Variants in C1orf174 observed in about 807,000 individuals in gnomAD.
The protein encoded by C1orf174 is UPF0688 protein C1orf174.
A neutral mutation model predicts 18.4 loss-of-function variants in C1orf174; 13 were observed. The observed-to-expected ratio is 0.71, with a 90% CI of 0.46 to 1.12. C1orf174 has a LOEUF of 1.12. Ranked by LOEUF, C1orf174 falls within the 50% of genes most tolerant of loss-of-function variation. The pLI is 0.00. For synonymous variants in C1orf174, 100 were observed against 118.3 expected, an observed-to-expected ratio of 0.85 and a Z score of 1.01; for missense variants, 309 against 308.0, an observed-to-expected ratio of 1.00 and a Z score of -0.02.
Position 3,890,664 on chromosome 1 carries a change from G to T in C1orf174, c.523C>A (p.Pro175Thr). 1.2e-6 allele frequency: 2 copies of T among 1,614,102 alleles called. No homozygotes were observed. Among genetic ancestry groups the T allele is most frequent in the Non-Finnish European group, 1.7e-6 (2 of 1,180,024 alleles). Residue 175 changes from proline to threonine, a missense_variant, in exon 3 of 4, where the codon CCA (proline) becomes ACA (threonine). Physicochemically the swap from Pro to Thr is conservative, Grantham distance 38. Transcript: ENST00000361605. ...ACGCTGTTGTCCATCTGAAGTGGTG[G>T]CTTCTGCACATCCTCTGTCTGTAGC... ...PGLQTEDVQK[P>T]PLQMDNSVFL... is the part of the protein sequence containing the mutation.
At position 3,891,027 on chromosome 1, in the gene C1orf174, G is replaced by T; in HGVS notation, c.160C>A (p.Arg54=). Reference sequence around the variant, plus strand: ...TCACATTTGAACTTCTTGGACGTTCGCGTGTCTGTGGCTTTGTGGGATGAG... The same window carrying T: ...TCACATTTGAACTTCTTGGACGTTCTCGTGTCTGTGGCTTTGTGGGATGAG... The part of the protein sequence containing the change: ...TSSSHKATDT[R]TSKKFKCDKG... The change falls in exon 3 of 4, where the codon CGA becomes AGA. Residue 54 remains arginine (R), a synonymous_variant. Coordinates refer to ENST00000361605, the MANE Select transcript of C1orf174 (RefSeq NM_207356.3). 1 of 1,613,242 alleles carries T rather than the reference G, an allele frequency of 6.2e-7. No homozygotes were observed. Among genetic ancestry groups the T allele is most frequent in the Non-Finnish European group, 8.5e-7 (1 of 1,179,624 alleles).
In C1orf174 at chr1:3,889,288, G is replaced by A. The variant is rs1638441375; in HGVS notation, c.*672C>T. 2 of 152,146 alleles carry A rather than the reference G, an allele frequency of 1.3e-5. No individual in the cohort carries two copies. Among genetic ancestry groups the A allele is most frequent in the South Asian group, 4.1e-4 (2 of 4,830 alleles). 9.4% of individuals were successfully genotyped at this position (152,146 alleles called of 1,614,324 possible). On this transcript the variant is annotated 3_prime_UTR_variant, in exon 4 of 4. Coordinates refer to ENST00000361605, the MANE Select transcript of C1orf174 (RefSeq NM_207356.3). Reference sequence around the variant, plus strand: ...AATTATGATAATGGAAAACAAACTTGCCTATGACCAAAGCTACTGAGCTGA... The same window carrying A: ...AATTATGATAATGGAAAACAAACTTACCTATGACCAAAGCTACTGAGCTGA...
At chr1:3,897,830 A>G (rs913588673) in intron 1 of C1orf174, among the ~76,000 whole-genome samples, 1 of 152,008 alleles carries the variant, frequency 6.6e-6, no homozygotes, top group African/African-American at 2.4e-5. Context: ...CGCCCCGCTA[A>G]TTTTTTGTAT....
chr1:3,891,927 C>T (rs1445001808), intron 2 of C1orf174: 1 of 364,692 alleles, frequency 2.7e-6, no homozygotes, highest in Non-Finnish European at 3.5e-6. Context: ...GACACACACA[C>T]GGGTGGGCGG....
chr1:3,890,453 G>C (rs777409047), intron 3 of C1orf174, 116 bp downstream of exon 3: 3 of 1,400,394 alleles, frequency 2.1e-6, no homozygotes, highest in Non-Finnish European at 2.9e-6. Context: ...AAAATGATTA[G>C]TTTATGTTTA....
intron 1 of C1orf174, among the ~76,000 whole-genome samples, chr1:3,894,192 C>G (rs931924307): frequency 6.6e-6 from 1 of 152,014 alleles, no homozygotes; most frequent in African/African-American, 2.4e-5. Context: ...GGGAAAGGCC[C>G]AAGAGCTGCT....
At chr1:3,890,193 G>A in intron 3 of C1orf174, 120 bp from the exon 4 acceptor site, 3 of 751,702 alleles carry the variant, frequency 4.0e-6, no homozygotes, top group Non-Finnish European at 6.7e-6. Flanking sequence ...TTAGACGTGT[G>A]AAAATGCCTG....
intron 1 of C1orf174, among the ~76,000 whole-genome samples, chr1:3,897,796 TG>T (rs61124252): frequency 0.13 from 19,305 of 152,084 alleles, 1,301 homozygotes; most frequent in East Asian, 0.23. Flanking sequence ...CCCAAGTAGC[TG>T]GAACTACAGG....
chr1:3,891,825 G>GAC (rs1343134951), intron 2 of C1orf174: 3 of 985,674 alleles, frequency 3.0e-6, no homozygotes, highest in Non-Finnish European at 3.6e-6. Flanking sequence ...GCCTGGTTTA[G>GAC]ACACACACAC....
In C1orf174 at chr1:3,892,982, C is replaced by T; in HGVS notation, c.30G>A (p.Val10=). 1 of 1,613,868 alleles carries T rather than the reference C, an allele frequency of 6.2e-7. No individual in the cohort carries two copies. Among genetic ancestry groups the T allele is most frequent in the Non-Finnish European group, 8.5e-7 (1 of 1,179,846 alleles). ...GTGCTTTCAAGCGCGCTGAAGACCG[C>T]ACTGCACCTGTGAGCTAGAGAGATT... MRSRKLTGA[V]RSSARLKARS... The change falls in exon 2 of 4, where the codon GTG becomes GTA. Residue 10 remains valine (V), a synonymous_variant. Coordinates refer to ENST00000361605, the MANE Select transcript of C1orf174 (RefSeq NM_207356.3).
intron 1 of C1orf174, among the ~76,000 whole-genome samples, chr1:3,893,692 C>A (rs558191554): frequency 4.6e-4 from 70 of 152,238 alleles, no homozygotes; most frequent in African/African-American, 1.6e-3. Flanking sequence ...CCCAGGAGTT[C>A]AAGACCAGCC....
intron 2 of C1orf174, chr1:3,891,424 A>T: frequency 4.5e-6 from 1 of 221,680 alleles, no homozygotes. Context: ...GCTAGGGCAT[A>T]AGCTCTGTGA....
At chr1:3,891,308 A>C (rs1638506784) in intron 2 of C1orf174, 1 of 462,738 alleles carries the variant, frequency 2.2e-6, no homozygotes, top group Admixed American at 4.1e-5. Flanking sequence ...CCACTCCTAC[A>C]CTTTCAGTTT....
At position 3,889,874 on chromosome 1, in the gene C1orf174, A is replaced by G; in HGVS notation, c.*86T>C. 8.4e-7 allele frequency: 1 copy of G among 1,195,996 alleles called. No individual in the cohort carries two copies. The highest frequency in any genetic ancestry group is 1.2e-6 in the Non-Finnish European group (1 of 802,254). The allele number at this position is 1,195,996 out of a possible 1,614,324, so 74.1% of individuals were successfully genotyped here. A position where few individuals can be genotyped will look rare whatever the true frequency, so the allele number is the denominator to read the frequency against. On this transcript the variant is annotated 3_prime_UTR_variant, in exon 4 of 4. Transcript: ENST00000361605. ...GTTTGATTAAGACATTCTCTTGGAG[A>G]TACATTTTATATAAATCTTGTAATG...
chr1:3,896,143 G>C (rs76363675), intron 1 of C1orf174: 17,351 of 152,758 alleles, frequency 0.11, 1,201 homozygotes, highest in Middle Eastern at 0.16. Context: ...AGGAGAGGCA[G>C]GATAGCAGTG....
chr1:3,900,020 G>T, intron 1 of C1orf174, 152 bp downstream of exon 1: 1 of 900,472 alleles, frequency 1.1e-6, no homozygotes, highest in South Asian at 2.0e-5. Flanking sequence ...AGCGTGGCCT[G>T]GAGCCCCCCA....
intron 1 of C1orf174, among the ~76,000 whole-genome samples, chr1:3,894,378 CA>C (rs1382265323): frequency 1.3e-5 from 2 of 152,078 alleles, no homozygotes; most frequent in Admixed American, 1.3e-4. Flanking sequence ...GAGGCTGAGG[CA>C]GGTGGATCAC....
chr1:3,892,645 C>T (rs1365916153), intron 2 of C1orf174: 23 of 1,312,404 alleles, frequency 1.8e-5, no homozygotes, highest in African/African-American at 1.1e-4. Context: ...GATCAGAGCC[C>T]GGGTCTAGAC....
chr1:3,900,249 C>T lies in C1orf174; in HGVS notation c.-63G>A. The T allele has an allele frequency of 1.3e-6, 2 of 1,519,206 alleles. No individual in the cohort carries two copies. Among genetic ancestry groups the T allele is most frequent in the Non-Finnish European group, 1.7e-6 (2 of 1,146,482 alleles). The allele number at this position is 1,519,206 out of a possible 1,614,324, so 94.1% of individuals were successfully genotyped here. ...CCAACGCGTCCCGGCGGAGCGGCGA[C>T]CCGGAGTCTGCAGAGCGCGCCGCGG... On this transcript the variant is annotated 5_prime_UTR_variant, in exon 1 of 4. Coordinates refer to ENST00000361605, the MANE Select transcript of C1orf174 (RefSeq NM_207356.3).
Sources: gnomAD v4.1 joint callset for allele counts (sites outside exome capture counted in the v4.1 genomes callset) on GRCh38, gnomAD v4.1.1 for gene constraint, MANE v1.5 for transcripts, NCBI Gene and HGNC (gene_info 2026-07-23, HGNC 2026-07-21) for gene names.